The following PDSS1 variants were observed in gnomAD, a reference collection of about 807,000 sequenced individuals.
PDSS1 encodes the protein decaprenyl diphosphate synthase subunit 1, also known as all trans-polyprenyl-diphosphate synthase PDSS1.
PDSS1 carries 43 observed loss-of-function variants against 57.5 expected under a neutral mutation model. That is an observed-to-expected ratio of 0.75 (90% confidence interval 0.59 to 0.96). The LOEUF (loss-of-function observed/expected upper bound fraction) is 0.96, where lower values mean the gene tolerates loss of function less well. Ranked by LOEUF, PDSS1 falls within the 50% of genes least tolerant of loss-of-function variation. PDSS1 has a pLI of 0.00. For missense variants in PDSS1, 438 were observed against 527.8 expected, an observed-to-expected ratio of 0.83 and a Z score of 1.67; for synonymous variants, 175 against 191.3, an observed-to-expected ratio of 0.91 and a Z score of 0.70.
In PDSS1 at chr10:26,720,226, A is replaced by C. The variant is rs1835739367; in HGVS notation, c.476A>C (p.Gln159Pro). The C allele has an allele frequency of 6.2e-7, 1 of 1,612,818 alleles. No homozygotes were observed. Among genetic ancestry groups the C allele is most frequent in the African/African-American group, 1.3e-5 (1 of 74,894 alleles). Residue 159 changes from glutamine to proline, a missense_variant, in exon 6 of 12, where the codon CAA becomes CCA. Gln to Pro is a moderately conservative substitution (Grantham distance 76). Transcript: ENST00000376215. ...TGCTTTCTGTTAATTAGACATGTGC[A>C]AGCCAGCCAGCGCGCCATAGCCTTA... is the stretch of plus-strand genomic sequence containing the variant. The part of the protein sequence containing the change: ...NIHHNNSRHV[Q>P]ASQRAIALIA...
intron 8 of PDSS1, among the ~76,000 whole-genome samples, chr10:26,732,099 AC>A (rs1262189282): frequency 1.3e-5 from 2 of 152,236 alleles, no homozygotes; most frequent in Non-Finnish European, 1.5e-5. Flanking sequence ...ACTTTCTTTG[AC>A]TTAATCATTC....
intron 10 of PDSS1, among the ~76,000 whole-genome samples, chr10:26,736,697 A>T (rs987602641): frequency 5.3e-5 from 8 of 152,102 alleles, no homozygotes; most frequent in African/African-American, 1.9e-4. Flanking sequence ...AAGGCTATGA[A>T]TGGAGATGTT....
In PDSS1 at chr10:26,712,837, C is replaced by T. The variant is rs536777652; in HGVS notation, c.467+3069C>T. On this transcript the variant is annotated intron_variant, in intron 5 of 11. Transcript: ENST00000376215. ...GCCTCAGTGGCCCCAGATCAGTGAA[C>T]CTGACATTGAACCTGACAGGCTTGC... Among the ~76,000 whole-genome samples, 2 of 98,646 alleles carry T rather than the reference C, an allele frequency of 2.0e-5. 1 individual carries two copies. The highest frequency in any genetic ancestry group is 4.7e-5 in the Non-Finnish European group (2 of 42,454). The allele number at this position is 98,646 out of a possible 152,430, so 64.7% of individuals were successfully genotyped here. A position where few individuals can be genotyped will look rare whatever the true frequency, so the allele number is the denominator to read the frequency against.
At chr10:26,715,379 C>G (rs369905260) in intron 5 of PDSS1, 11 of 151,398 alleles carry the variant, frequency 7.3e-5, no homozygotes, top group East Asian at 1.9e-4. Flanking sequence ...GAGGCTGATT[C>G]TGTCTGCAAA....
At position 26,697,837 on chromosome 10, in the gene PDSS1, G is replaced by A. The variant is rs1207420132; in HGVS notation, c.126G>A (p.Ala42=). Residue 42 remains alanine (A), a synonymous_variant, in exon 1 of 12, where the codon GCG becomes GCA. Coordinates refer to ENST00000376215, the MANE Select transcript of PDSS1 (RefSeq NM_014317.5). ...LGPSAAAEVR[A]QVHRRKGLDL... ...CGAGCGCCGCTGCCGAAGTCCGCGC[G>A]CAGGTGAGGTTGGGAGGCGCGCGCC... is the stretch of plus-strand genomic sequence containing the variant. 2.2e-6 allele frequency: 3 copies of A among 1,337,560 alleles called. No homozygotes were observed. The highest frequency in any genetic ancestry group is 2.8e-5 in the Admixed American group (1 of 36,016). The allele number at this position is 1,337,560 out of a possible 1,614,324, so 82.9% of individuals were successfully genotyped here.
At chr10:26,737,721 TCAAA>T (rs1836451033) in intron 10 of PDSS1, among the ~76,000 whole-genome samples, 1 of 25,228 alleles carries the variant, frequency 4.0e-5, no homozygotes, top group African/African-American at 1.7e-4. Context: ...AGACTCCGTC[TCAAA>T]AAAAAAAAAA....
At chr10:26,706,128 G>A (rs1434057318) in intron 4 of PDSS1, among the ~76,000 whole-genome samples, 1 of 152,148 alleles carries the variant, frequency 6.6e-6, no homozygotes, top group Non-Finnish European at 1.5e-5. Flanking sequence ...ACGTGGTTGG[G>A]CACCGTGGCT....
At chr10:26,699,397 C>CTTCT (rs1554792338) in intron 1 of PDSS1, among the ~76,000 whole-genome samples, 2 of 136,790 alleles carry the variant, frequency 1.5e-5, no homozygotes, top group African/African-American at 5.7e-5. Context: ...TCTTCTTCTT[C>CTTCT]TTTTTTTTTT....
intron 8 of PDSS1, among the ~76,000 whole-genome samples, chr10:26,732,320 A>G (rs1352629349): frequency 6.6e-6 from 1 of 152,188 alleles, no homozygotes; most frequent in African/African-American, 2.4e-5. Flanking sequence ...ACCCCAGGGA[A>G]ATCTGGGATA....
At chr10:26,743,630 C>T (rs1836705485) in intron 11 of PDSS1, among the ~76,000 whole-genome samples, 1 of 152,012 alleles carries the variant, frequency 6.6e-6, no homozygotes, top group Non-Finnish European at 1.5e-5. Flanking sequence ...TTATTGAAAG[C>T]TAGAGTGGGA....
chr10:26,708,660 G>A (rs11015240), intron 4 of PDSS1, among the ~76,000 whole-genome samples: 2,740 of 152,050 alleles, frequency 0.018, 81 homozygotes, highest in African/African-American at 0.063. Flanking sequence ...CCAAATAAAG[G>A]CCAAGCCAGA....
intron 10 of PDSS1, among the ~76,000 whole-genome samples, chr10:26,736,125 CCCA>C (rs1836389447): frequency 6.6e-6 from 1 of 152,200 alleles, no homozygotes; most frequent in Non-Finnish European, 1.5e-5. Context: ...GTGCAGTAGA[CCCA>C]CATAGTTCCT....
At chr10:26,722,009 C>G (rs1364973442) in intron 6 of PDSS1, among the ~76,000 whole-genome samples, 1 of 152,174 alleles carries the variant, frequency 6.6e-6, no homozygotes, top group Non-Finnish European at 1.5e-5. Flanking sequence ...TAGGCCTGGC[C>G]TGGGCTTCCT....
At chr10:26,711,315 T>G (rs550302032) in intron 5 of PDSS1, among the ~76,000 whole-genome samples, 1 of 99,414 alleles carries the variant, frequency 1.0e-5, no homozygotes, top group East Asian at 2.5e-4. Flanking sequence ...CTAAGATTTG[T>G]CAGCACTGAA....
At chr10:26,741,489 AG>A (rs1225289364) in intron 10 of PDSS1, among the ~76,000 whole-genome samples, 1 of 150,306 alleles carries the variant, frequency 6.7e-6, no homozygotes, top group Non-Finnish European at 1.5e-5. Flanking sequence ...CCATCACAGG[AG>A]GGGGGGAAAA....
At chr10:26,725,081 T>C (rs530427853) in intron 8 of PDSS1, among the ~76,000 whole-genome samples, 1 of 152,330 alleles carries the variant, frequency 6.6e-6, no homozygotes, top group Admixed American at 6.5e-5. Flanking sequence ...TATTCATCGT[T>C]AGTCCAAGAA....
In PDSS1 at chr10:26,743,318, G is replaced by C. The variant is rs1420765220; in HGVS notation, c.1107+741G>C. Reference sequence around the variant, plus strand: ...AGCCAACAGATCTACTGGATGAGTCGGAGTGAGCAAAAAATCATTACAAAG... The same window carrying C: ...AGCCAACAGATCTACTGGATGAGTCCGAGTGAGCAAAAAATCATTACAAAG... On this transcript the variant is annotated intron_variant, in intron 11 of 11. Coordinates refer to ENST00000376215, the MANE Select transcript of PDSS1 (RefSeq NM_014317.5). 3.3e-5 allele frequency among the ~76,000 whole-genome samples: 5 copies of C among 152,244 alleles called. No individual in the cohort carries two copies. The East Asian group carries it at 9.6e-4, about 29-fold the overall frequency.
chr10:26,743,037 A>G (rs1266996493), intron 11 of PDSS1, among the ~76,000 whole-genome samples: 1 of 152,166 alleles, frequency 6.6e-6, no homozygotes, highest in Non-Finnish European at 1.5e-5. Context: ...AGTCCATCCT[A>G]CCTGTTATAA....
intron 1 of PDSS1, among the ~76,000 whole-genome samples, chr10:26,699,405 T>C (rs1297599337): frequency 6.6e-6 from 1 of 151,348 alleles, no homozygotes; most frequent in Non-Finnish European, 1.5e-5. Flanking sequence ...TTCTTTTTTT[T>C]TTTTTTTGAC....
Sources: allele counts gnomAD v4.1 joint callset (sites outside exome capture counted in the v4.1 genomes callset), GRCh38; gene constraint gnomAD v4.1.1; transcripts MANE v1.5; gene names NCBI Gene and HGNC (gene_info 2026-07-23, HGNC 2026-07-21).